Variants in TAF8 observed in about 807,000 individuals in gnomAD.
TAF8 encodes transcription initiation factor TFIID subunit 8.
Under a neutral mutation model 36.5 loss-of-function variants are expected in TAF8, and 47 were observed. The ratio of observed to expected loss-of-function variants is 1.29; its 90% CI spans 1.02 to 1.64. The LOEUF (loss-of-function observed/expected upper bound fraction) is 1.64, where lower values mean the gene tolerates loss of function less well. TAF8 is among the 40% of genes most tolerant of loss of function. TAF8 has a pLI of 0.00. For missense variants in TAF8, 420 were observed against 407.6 expected, an observed-to-expected ratio of 1.03 and a Z score of -0.26; for synonymous variants, 175 against 159.5, an observed-to-expected ratio of 1.10 and a Z score of -0.73.
Position 42,078,055 on chromosome 6 carries a change from T to A in TAF8, c.*510T>A, listed in dbSNP as rs951822714. The A allele has an allele frequency of 1.5e-5, 4 of 261,950 alleles. No homozygotes were observed. In the South Asian group the frequency reaches 4.2e-4, roughly 28 times the overall value. The allele number at this position is 261,950 out of a possible 1,614,324, so 16.2% of individuals were successfully genotyped here. ...ACAGGTGTGAGCCACCACGCCCAGC[T>A]AATTTTTGTATTTTTAATAGAGATA... On this transcript the variant is annotated 3_prime_UTR_variant, in exon 9 of 9. Coordinates refer to ENST00000372977, the MANE Select transcript of TAF8 (RefSeq NM_138572.3).
In TAF8 at chr6:42,078,736, C is replaced by A; in HGVS notation, c.*1191C>A. 1.1e-5 allele frequency: 11 copies of A among 985,450 alleles called. No homozygotes were observed. Among genetic ancestry groups the A allele is most frequent in the Non-Finnish European group, 1.2e-5 (10 of 829,950 alleles). 61.0% of individuals were successfully genotyped at this position (985,450 alleles called of 1,614,324 possible). On this transcript the variant is annotated 3_prime_UTR_variant, in exon 9 of 9. Coordinates refer to ENST00000372977, the MANE Select transcript of TAF8 (RefSeq NM_138572.3). ...GTGCTTGGGAACTGCCAAGTCTTAC[C>A]CCTTCTGGAAGAAGAGGTTTTCTCT...
At chr6:42,077,285 G>A in intron 8 of TAF8, 46 bp downstream of exon 8, 2 of 1,589,072 alleles carry the variant, frequency 1.3e-6, no homozygotes, top group Non-Finnish European at 1.7e-6. Flanking sequence ...GTCCCACCGA[G>A]GTGGTCTTCT....
Position 42,057,447 on chromosome 6 carries a change from C to T in TAF8, c.423C>T (p.Pro141=). The T allele has an allele frequency of 6.2e-7, 1 of 1,614,088 alleles. No individual in the cohort carries two copies. Among genetic ancestry groups the T allele is most frequent in the East Asian group, 2.2e-5 (1 of 44,878 alleles). ...PKALTAGQNR[P]HPPHIPSHFP... is the part of the protein sequence containing the mutation. ...CCCTCACTGCAGGGCAGAACCGACCCCACCCGCCGCACATCCCCAGCCATT... is the reference window on the plus strand; with the variant it reads ...CCCTCACTGCAGGGCAGAACCGACCTCACCCGCCGCACATCCCCAGCCATT... Residue 141 remains proline, a synonymous_variant, in exon 5 of 9, where the codon CCC becomes CCT. Transcript: ENST00000372977.
chr6:42,080,714 G>C lies in TAF8; in HGVS notation c.*3169G>C. 1.0e-6 allele frequency: 1 copy of C among 985,300 alleles called. No homozygotes were observed. Among genetic ancestry groups the C allele is most frequent in the Non-Finnish European group, 1.2e-6 (1 of 829,902 alleles). The allele number at this position is 985,300 out of a possible 1,614,324, so 61.0% of individuals were successfully genotyped here. On this transcript the variant is annotated 3_prime_UTR_variant, in exon 9 of 9. Transcript: ENST00000372977. ...CTCTTATAATTTTGTTCTGAGGGGA[G>C]ACAGGGAAAGGGTTAGACAACTTGA...
At chr6:42,056,172 A>G in intron 4 of TAF8, 158 bp downstream of exon 4, 1 of 585,650 alleles carries the variant, frequency 1.7e-6, no homozygotes, top group Non-Finnish European at 3.1e-6. Flanking sequence ...TATTTGGGCT[A>G]GTCTGATTAG....
chr6:42,086,218 A>G (rs747322948), downstream of TAF8, among the ~76,000 whole-genome samples: 3 of 152,178 alleles, frequency 2.0e-5, no homozygotes, highest in South Asian at 2.1e-4. Context: ...AGGCCATGCC[A>G]ATGTCACCTT....
rs1765901650 is a variant in TAF8, at chr6:42,080,862, G to GA, written c.*3321dup. The GA allele has an allele frequency of 1.0e-6, 1 of 979,948 alleles. No individual in the cohort carries two copies. Among genetic ancestry groups the GA allele is most frequent in the Non-Finnish European group, 1.2e-6 (1 of 825,010 alleles). The allele number at this position is 979,948 out of a possible 1,614,324, so 60.7% of individuals were successfully genotyped here. ...AAACATGCAGATTAAAAATGTTTAT[G>GA]AAAATCTCAATAAAAATTCATAATA... On this transcript the variant is annotated 3_prime_UTR_variant, in exon 9 of 9. Transcript: ENST00000372977.
Position 42,077,816 on chromosome 6 carries a change from T to C in TAF8, c.*271T>C. 8.4e-7 allele frequency: 1 copy of C among 1,192,280 alleles called. No homozygotes were observed. 73.9% of individuals were successfully genotyped at this position (1,192,280 alleles called of 1,614,324 possible). ...TATCACCCAGGCTGGAATGCAGTGG[T>C]GTGATCTCAGCTCACTGCAGTCTCA... On this transcript the variant is annotated 3_prime_UTR_variant, in exon 9 of 9. Coordinates refer to ENST00000372977, the MANE Select transcript of TAF8 (RefSeq NM_138572.3).
Position 42,050,585 on chromosome 6 carries a change from C to G in TAF8, c.44C>G (p.Thr15Arg), listed in dbSNP as rs752435360. ...AATAGAGGSG[T>R]RSGSKQSTNP... The stretch of plus-strand genomic sequence containing the variant: ...ACAGCTGGGGCCGGTGGCTCCGGAA[C>G]GGTAAGGGCAGGAAGCGCGGGCTCG... The change falls in exon 1 of 9, where the codon ACG becomes AGG. Residue 15 changes from threonine to arginine, a missense_variant and splice_region_variant. Coordinates refer to ENST00000372977, the MANE Select transcript of TAF8 (RefSeq NM_138572.3). 1.3e-6 allele frequency: 2 copies of G among 1,555,892 alleles called. No homozygotes were observed. The highest frequency in any genetic ancestry group is 2.0e-5 in the Admixed American group (1 of 50,714).
At chr6:42,061,904 A>G (rs4714561) in intron 5 of TAF8, among the ~76,000 whole-genome samples, 30,741 of 152,198 alleles carry the variant, frequency 0.2, 3,683 homozygotes, top group Admixed American at 0.31. Flanking sequence ...CCAGGTCACC[A>G]TAAGTCATTC....
rs1562025551 is a variant in TAF8 at position 42,083,019 on chromosome 6, T to G, written c.*5474T>G. 6.6e-6 allele frequency: 1 copy of G among 152,182 alleles called. No individual in the cohort carries two copies. Among genetic ancestry groups the G allele is most frequent in the Non-Finnish European group, 1.5e-5 (1 of 68,042 alleles). 9.4% of individuals were successfully genotyped at this position (152,182 alleles called of 1,614,324 possible). Reference sequence around the variant, plus strand: ...AAACAGTTATTTAATTTTGAAGAGATAATATATGTATACAGTATAAAATTT... The same window carrying G: ...AAACAGTTATTTAATTTTGAAGAGAGAATATATGTATACAGTATAAAATTT... On this transcript the variant is annotated 3_prime_UTR_variant, in exon 9 of 9. Coordinates refer to ENST00000372977, the MANE Select transcript of TAF8 (RefSeq NM_138572.3).
chr6:42,070,446 C>T (rs566163114), intron 7 of TAF8, among the ~76,000 whole-genome samples: 13 of 152,306 alleles, frequency 8.5e-5, no homozygotes, highest in South Asian at 8.3e-4. Flanking sequence ...GAGCCAAGAT[C>T]GCGCCACTGC....
chr6:42,051,476 A>G lies in TAF8; in HGVS notation c.165A>G (p.Lys55=), dbSNP rs1191892009. The G allele has an allele frequency of 3.1e-6, 5 of 1,614,124 alleles. No individual in the cohort carries two copies. In the South Asian group the frequency reaches 4.4e-5, roughly 14 times the overall value. Residue 55 remains lysine, a synonymous_variant, in exon 2 of 9, where the codon AAA becomes AAG. Transcript: ENST00000372977. ...LTEAGFESAE[K]ASVETLTEML... is the part of the protein sequence containing the mutation. Reference sequence around the variant, plus strand: ...AGGCAGGGTTTGAGAGTGCCGAGAAAGCATCCGTGGAAACGCTGACAGAGA... The same window carrying G: ...AGGCAGGGTTTGAGAGTGCCGAGAAGGCATCCGTGGAAACGCTGACAGAGA...
intron 2 of TAF8, among the ~76,000 whole-genome samples, chr6:42,052,328 CT>C (rs771808677): frequency 0.02 from 2,048 of 101,460 alleles, 13 homozygotes; most frequent in Non-Finnish European, 0.026. Context: ...CCCCCCCCCC[CT>C]TTTTTTTTTT....
Position 42,068,706 on chromosome 6 carries a change from C to T in TAF8, c.780+99C>T, listed in dbSNP as rs7747205. The T allele has an allele frequency of 6.9e-3, 10,128 of 1,472,552 alleles. 362 individuals carry two copies. In the African/African-American group the frequency reaches 0.097, roughly 14 times the overall value. 91.2% of individuals were successfully genotyped at this position (1,472,552 alleles called of 1,614,324 possible). Reference sequence around the variant, plus strand: ...GACCTGGACATGATCGACCTCAGGTCTCTTTGGCTTTCTGTTAGGGGCCTG... The same window carrying T: ...GACCTGGACATGATCGACCTCAGGTTTCTTTGGCTTTCTGTTAGGGGCCTG... On this transcript the variant is annotated intron_variant, in intron 7 of 8. Coordinates refer to ENST00000372977, the MANE Select transcript of TAF8 (RefSeq NM_138572.3).
At chr6:42,051,648 T>C in intron 2 of TAF8, 135 bp downstream of exon 2, 1 of 1,047,714 alleles carries the variant, frequency 9.5e-7, no homozygotes, top group Non-Finnish European at 1.3e-6. Flanking sequence ...TTTTTTAATG[T>C]AAAAAGTTGA....
At chr6:42,057,776 G>GAAA (rs34302758) in intron 5 of TAF8, 17 of 335,732 alleles carry the variant, frequency 5.1e-5, no homozygotes, top group Non-Finnish European at 6.9e-5. Flanking sequence ...AATAAATAAA[G>GAAA]AAAAAAAAAA....
chr6:42,077,749 T>G lies in TAF8; in HGVS notation c.*204T>G. On this transcript the variant is annotated 3_prime_UTR_variant, in exon 9 of 9. Transcript: ENST00000372977. ...TGGGTTGAGGAAGATATGAACAGAA[T>G]AATGAGAATTTTTTTTTTTATTTTG... The G allele has an allele frequency of 7.0e-7, 1 of 1,428,070 alleles. No individual in the cohort carries two copies. Among genetic ancestry groups the G allele is most frequent in the Non-Finnish European group, 9.1e-7 (1 of 1,095,398 alleles). 88.5% of individuals were successfully genotyped at this position (1,428,070 alleles called of 1,614,324 possible).
intron 2 of TAF8, among the ~76,000 whole-genome samples, chr6:42,053,366 CCAA>C (rs941377718): frequency 1.2e-4 from 18 of 152,128 alleles, no homozygotes; most frequent in Admixed American, 2.0e-4. Flanking sequence ...AGTTTCAAGA[CCAA>C]CCTTGCCAAC....
Sources: gnomAD v4.1 joint callset for allele counts (sites outside exome capture counted in the v4.1 genomes callset) on GRCh38, gnomAD v4.1.1 for gene constraint, MANE v1.5 for transcripts, NCBI Gene and HGNC (gene_info 2026-07-23, HGNC 2026-07-21) for gene names.